Variants in HESX1 observed in about 807,000 individuals in gnomAD.
The protein encoded by HESX1 is homeobox expressed in ES cells 1.
Under a neutral mutation model 22.5 loss-of-function variants are expected in HESX1, and 11 were observed. That is an observed-to-expected ratio of 0.49 (90% CI 0.31 to 0.81). The LOEUF (loss-of-function observed/expected upper bound fraction) is 0.81, where lower values mean the gene tolerates loss of function less well. Among genes scored for constraint, HESX1 ranks in the 30% least tolerant of loss-of-function variants. The pLI, the probability that HESX1 is intolerant of heterozygous loss-of-function variation, is 0.05. For missense variants in HESX1, 201 were observed against 212.6 expected (o/e 0.95, Z 0.34); for synonymous variants, 74 against 76.5 (o/e 0.97, Z 0.17).
At chr3:57,216,892 G>C (rs2060585661) in intron 1 of HESX1, among the ~76,000 whole-genome samples, 2 of 151,962 alleles carry the variant, frequency 1.3e-5, no homozygotes, top group Admixed American at 1.3e-4. Flanking sequence ...TCAAATTTTT[G>C]AATTATTTAT....
At chr3:57,227,558 C>T (rs1013626534), upstream of HESX1, among the ~76,000 whole-genome samples, 2 of 152,228 alleles carry the variant, frequency 1.3e-5, no homozygotes, top group Non-Finnish European at 2.9e-5. Flanking sequence ...CAGGGAAGGC[C>T]ATCCCAGGGC....
At chr3:57,204,572 CAGTGCTAG>C (rs1349470032), upstream of HESX1, among the ~76,000 whole-genome samples, 1 of 152,120 alleles carries the variant, frequency 6.6e-6, no homozygotes, top group Non-Finnish European at 1.5e-5. Context: ...GCTATAAGCT[CAGTGCTAG>C]AGTGCTAAGT....
At chr3:57,214,691 T>C (rs538046041) in intron 1 of HESX1, among the ~76,000 whole-genome samples, 30 of 152,224 alleles carry the variant, frequency 2.0e-4, no homozygotes, top group African/African-American at 6.3e-4. Flanking sequence ...CTGTTATCAA[T>C]GTTATTATAA....
upstream of HESX1, among the ~76,000 whole-genome samples, chr3:57,200,355 C>T (rs1198647264): frequency 5.9e-5 from 9 of 152,104 alleles, no homozygotes; most frequent in East Asian, 3.8e-4. Flanking sequence ...AGGCAAGATA[C>T]GAGAGCAGTC....
chr3:57,225,338 T>C (rs2060635847), intron 1 of HESX1, among the ~76,000 whole-genome samples: 1 of 152,180 alleles, frequency 6.6e-6, no homozygotes, highest in Non-Finnish European at 1.5e-5. Context: ...TTGTTTGTTT[T>C]ATTTTTTCAT....
At chr3:57,211,658 C>T (rs1373005891) in intron 1 of HESX1, among the ~76,000 whole-genome samples, 1 of 150,600 alleles carries the variant, frequency 6.6e-6, no homozygotes, top group African/African-American at 2.4e-5. Flanking sequence ...CATGGTGAAA[C>T]CCCGTCCCTA....
chr3:57,197,942 A>G lies in HESX1; in HGVS notation c.*255T>C. The G allele has an allele frequency of 3.2e-6, 1 of 309,018 alleles. No homozygotes were observed. Among genetic ancestry groups the G allele is most frequent in the Non-Finnish European group, 5.9e-6 (1 of 169,236 alleles). The allele number at this position is 309,018 out of a possible 1,614,324, so 19.1% of individuals were successfully genotyped here. On this transcript the variant is annotated 3_prime_UTR_variant, in exon 4 of 4. Coordinates refer to ENST00000295934, the MANE Select transcript of HESX1 (RefSeq NM_003865.3). The stretch of plus-strand genomic sequence containing the variant: ...TGATTTTAACAAACTAATTTATTAG[A>G]TTAATTTGGCTTACTTAAAAAATAG...
Position 57,218,645 on chromosome 3 carries a change from G to C in HESX1, c.-111+7651C>G, listed in dbSNP as rs113014793. Reference sequence around the variant, plus strand: ...TTTTAGTTGAGACGGGTTTTGCCATGTTGGCCAGGCTGGTCTTGAACTCCT... The same window carrying C: ...TTTTAGTTGAGACGGGTTTTGCCATCTTGGCCAGGCTGGTCTTGAACTCCT... On this transcript the variant is annotated intron_variant, in intron 1 of 2. Coordinates refer to the HESX1 transcript ENST00000495160. Among the ~76,000 whole-genome samples, 185 of 152,174 alleles carry C rather than the reference G, an allele frequency of 1.2e-3. 1 individual carries two copies. Among genetic ancestry groups the C allele is most frequent in the African/African-American group, 4.3e-3 (178 of 41,532 alleles).
At chr3:57,206,045 G>A (rs953925538) in intron 1 of HESX1, among the ~76,000 whole-genome samples, 1 of 152,166 alleles carries the variant, frequency 6.6e-6, no homozygotes, top group Non-Finnish European at 1.5e-5. Context: ...AGGAAAATTA[G>A]CTGGGTGTGG....
intron 1 of HESX1, among the ~76,000 whole-genome samples, chr3:57,206,021 T>G (rs1282582488): frequency 6.6e-6 from 1 of 152,066 alleles, no homozygotes; most frequent in Non-Finnish European, 1.5e-5. Context: ...TGAAACAGTG[T>G]TTCTATTAAA....
upstream of HESX1, among the ~76,000 whole-genome samples, chr3:57,227,453 T>G (rs868169706): frequency 3.9e-5 from 6 of 152,006 alleles, no homozygotes; most frequent in Non-Finnish European, 7.4e-5. Flanking sequence ...CGCCCCAAAT[T>G]CCCCCGTGTG....
intron 1 of HESX1, among the ~76,000 whole-genome samples, chr3:57,224,099 T>C (rs2060629547): frequency 6.6e-6 from 1 of 152,132 alleles, no homozygotes; most frequent in Non-Finnish European, 1.5e-5. Context: ...TTCAAGCGAT[T>C]CTCCTGCCTC....
At chr3:57,199,694 A>C in intron 1 of HESX1, 68 bp downstream of exon 1, 1 of 1,413,338 alleles carries the variant, frequency 7.1e-7, no homozygotes, top group African/African-American at 1.4e-5. Flanking sequence ...ATGTAGTATG[A>C]AATAAAGGGC....
chr3:57,213,561 T>C (rs2060567399), intron 1 of HESX1, among the ~76,000 whole-genome samples: 1 of 152,240 alleles, frequency 6.6e-6, no homozygotes, highest in Non-Finnish European at 1.5e-5. Context: ...ATGGGAGTTG[T>C]CAGTTAACCC....
chr3:57,211,547 A>AAAAAAAC (rs2060554083), intron 1 of HESX1, among the ~76,000 whole-genome samples: 1 of 147,428 alleles, frequency 6.8e-6, no homozygotes, highest in Non-Finnish European at 1.5e-5. Context: ...AAAAAAAAAA[A>AAAAAAAC]AAAAGCCAGG....
At chr3:57,224,971 T>G (rs1009384074) in intron 1 of HESX1, among the ~76,000 whole-genome samples, 2 of 152,204 alleles carry the variant, frequency 1.3e-5, no homozygotes, top group Non-Finnish European at 2.9e-5. Context: ...ATTAACCAGT[T>G]GCCCAAAGTT....
At chr3:57,205,558 G>A (rs754740589) in intron 1 of HESX1, among the ~76,000 whole-genome samples, 34 of 152,150 alleles carry the variant, frequency 2.2e-4, no homozygotes, top group Middle Eastern at 3.4e-3. Flanking sequence ...AGCCACACTG[G>A]ACTCTTCCTG....
chr3:57,217,899 C>G (rs2060591677), intron 1 of HESX1, among the ~76,000 whole-genome samples: 1 of 151,730 alleles, frequency 6.6e-6, no homozygotes, highest in South Asian at 2.1e-4. Flanking sequence ...TCCTCATCTT[C>G]ACAGGCTCTG....
chr3:57,226,473 C>G (rs961615940), exon 1 of HESX1: 2 of 152,146 alleles, frequency 1.3e-5, no homozygotes, highest in Non-Finnish European at 2.9e-5. Context: ...GAGAGACTGG[C>G]TGATAAACAA....
Sources: allele counts gnomAD v4.1 joint callset (sites outside exome capture counted in the v4.1 genomes callset), GRCh38; gene constraint gnomAD v4.1.1; transcripts MANE v1.5; gene names NCBI Gene and HGNC (gene_info 2026-07-23, HGNC 2026-07-21).